The following NRXN1 variants were observed in gnomAD, a reference collection of about 807,000 sequenced individuals.
NRXN1 encodes the protein neurexin-1.
In NRXN1, 39 loss-of-function variants were observed where a neutral mutation model predicts 150.9. The observed-to-expected ratio is 0.26, with a 90% CI of 0.20 to 0.34. The LOEUF is 0.34. Ranked by LOEUF, NRXN1 falls within the 10% of genes least tolerant of loss-of-function variation. NRXN1 has a pLI of 1.00. For synonymous variants in NRXN1, 924 were observed against 757.0 expected (o/e 1.22, Z -3.62); for missense variants, 1,815 against 1,949.9 (o/e 0.93, Z 1.30).
chr2:50,499,719 G>C (rs1386843278), intron 13 of NRXN1, among the ~76,000 whole-genome samples: 1 of 151,946 alleles, frequency 6.6e-6, no homozygotes, highest in Non-Finnish European at 1.5e-5. Context: ...AGGCCTAGGG[G>C]GGCAGATCAC....
intron 5 of NRXN1, among the ~76,000 whole-genome samples, chr2:50,678,801 C>A (rs1340673280): frequency 6.6e-6 from 1 of 152,004 alleles, no homozygotes; most frequent in Non-Finnish European, 1.5e-5. Context: ...AGAGAGAAAG[C>A]CAGGCAAGAG....
chr2:49,994,817 G>A (rs543045127), intron 21 of NRXN1, among the ~76,000 whole-genome samples: 1 of 152,240 alleles, frequency 6.6e-6, no homozygotes, highest in Non-Finnish European at 1.5e-5. Context: ...AAAGGTGAGA[G>A]TGAATTTCTA....
In NRXN1 at chr2:50,495,891, T is replaced by C; in HGVS notation, c.3070+14A>G. The stretch of plus-strand genomic sequence containing the variant: ...TGGTGCAAGGCTCGTTGCTCTGACT[T>C]AACATGCACTTACTCTTGAGGTCTA... On this transcript the variant is annotated intron_variant, in intron 15 of 22. Transcript: ENST00000401669. 1 of 1,571,610 alleles carries C rather than the reference T, an allele frequency of 6.4e-7. No individual in the cohort carries two copies. Among genetic ancestry groups the C allele is most frequent in the Non-Finnish European group, 8.6e-7 (1 of 1,158,164 alleles).
chr2:50,691,660 C>G (rs1692095485), intron 5 of NRXN1, among the ~76,000 whole-genome samples: 1 of 152,082 alleles, frequency 6.6e-6, no homozygotes, highest in Non-Finnish European at 1.5e-5. Context: ...CAGATTGAAC[C>G]AAGAAAACAA....
intron 17 of NRXN1, among the ~76,000 whole-genome samples, chr2:50,360,537 G>C (rs988216534): frequency 6.6e-6 from 1 of 152,122 alleles, no homozygotes; most frequent in Non-Finnish European, 1.5e-5. Flanking sequence ...TAATGGTAAA[G>C]GAATCAATGC....
At chr2:50,219,984 A>T (rs7599626) in intron 18 of NRXN1, among the ~76,000 whole-genome samples, 19 of 44,752 alleles carry the variant, frequency 4.2e-4, no homozygotes, top group African/African-American at 1.8e-3. Flanking sequence ...TAATATATAT[A>T]TTATATATAA....
At chr2:50,801,549 T>C (rs1314706430) in intron 5 of NRXN1, among the ~76,000 whole-genome samples, 3 of 152,116 alleles carry the variant, frequency 2.0e-5, no homozygotes, top group Non-Finnish European at 4.4e-5. Flanking sequence ...TTCCACATTA[T>C]ACCTATGACA....
intron 5 of NRXN1, among the ~76,000 whole-genome samples, chr2:50,655,283 G>C (rs1231503738): frequency 6.6e-6 from 1 of 151,444 alleles, no homozygotes; most frequent in South Asian, 2.1e-4. Context: ...TATTTTTCAA[G>C]TATTAATAAA....
chr2:50,012,155 T>C (rs1028649299), intron 21 of NRXN1, among the ~76,000 whole-genome samples: 5 of 152,114 alleles, frequency 3.3e-5, no homozygotes, highest in African/African-American at 1.2e-4. Context: ...ATATTTCATA[T>C]TTAAACTAGA....
intron 12 of NRXN1, among the ~76,000 whole-genome samples, chr2:50,519,403 T>C (rs572501105): frequency 1.3e-3 from 192 of 152,122 alleles, no homozygotes; most frequent in African/African-American, 4.2e-3. Context: ...ATTAATTCTT[T>C]GAAGTTATCT....
At chr2:50,631,668 T>C (rs536104265) in intron 5 of NRXN1, among the ~76,000 whole-genome samples, 47 of 152,110 alleles carry the variant, frequency 3.1e-4, no homozygotes, top group Middle Eastern at 3.4e-3. Context: ...TTTTCCAATC[T>C]TATTGTGCAA....
At chr2:50,008,149 T>C (rs1197705251) in intron 21 of NRXN1, among the ~76,000 whole-genome samples, 6 of 152,136 alleles carry the variant, frequency 3.9e-5, no homozygotes. Flanking sequence ...TATCTAGACA[T>C]TCCCAAAATA....
chr2:50,089,412 C>A (rs1315092492), intron 19 of NRXN1, among the ~76,000 whole-genome samples: 1 of 152,156 alleles, frequency 6.6e-6, no homozygotes. Flanking sequence ...AGCAAATAGG[C>A]AGTGATTAAT....
At chr2:50,956,466 A>C (rs956700757) in intron 2 of NRXN1, among the ~76,000 whole-genome samples, 3 of 152,042 alleles carry the variant, frequency 2.0e-5, no homozygotes, top group Non-Finnish European at 4.4e-5. Flanking sequence ...AGTAAGATTT[A>C]GCTGGGTGTG....
intron 8 of NRXN1, among the ~76,000 whole-genome samples, chr2:50,618,037 C>G (rs1164129981): frequency 5.3e-5 from 8 of 152,210 alleles, no homozygotes; most frequent in Admixed American, 2.6e-4. Flanking sequence ...TAGTTAGATT[C>G]CCATTTCTGC....
chr2:50,319,935 C>T (rs1349838538), intron 17 of NRXN1, among the ~76,000 whole-genome samples: 1 of 151,998 alleles, frequency 6.6e-6, no homozygotes, highest in Non-Finnish European at 1.5e-5. Context: ...AGAAATAGGA[C>T]ATGCTCACTT....
chr2:50,125,588 C>T (rs924490124), intron 18 of NRXN1, among the ~76,000 whole-genome samples: 11 of 151,992 alleles, frequency 7.2e-5, no homozygotes, highest in Non-Finnish European at 1.2e-4. Flanking sequence ...AGATAAATCA[C>T]GTTTCCTTCC....
chr2:50,365,121 T>C (rs922390562), intron 17 of NRXN1, among the ~76,000 whole-genome samples: 1 of 152,072 alleles, frequency 6.6e-6, no homozygotes, highest in Non-Finnish European at 1.5e-5. Context: ...TTTTTTTTCT[T>C]TTTTTCAGTA....
At chr2:50,253,783 G>A (rs1406310168) in intron 17 of NRXN1, among the ~76,000 whole-genome samples, 2 of 152,096 alleles carry the variant, frequency 1.3e-5, no homozygotes, top group Non-Finnish European at 2.9e-5. Context: ...TGGTGGATAA[G>A]CTTTTTGATG....
Sources: allele counts gnomAD v4.1 joint callset (sites outside exome capture counted in the v4.1 genomes callset), GRCh38; gene constraint gnomAD v4.1.1; transcripts MANE v1.5; gene names NCBI Gene and HGNC (gene_info 2026-07-23, HGNC 2026-07-21).